The following CNTN3 variants were observed in gnomAD, a reference collection of about 807,000 sequenced individuals.
CNTN3 encodes contactin-3.
Under a neutral mutation model 119.1 loss-of-function variants are expected in CNTN3, and 60 were observed. That is an observed-to-expected ratio of 0.50 (90% CI 0.41 to 0.62). The LOEUF (loss-of-function observed/expected upper bound fraction) is 0.62. CNTN3 is among the 20% of genes least tolerant of loss of function. CNTN3 has a pLI of 0.00. For synonymous variants in CNTN3, 450 were observed against 438.7 expected, an observed-to-expected ratio of 1.03 and a Z score of -0.32; for missense variants, 1,101 against 1,242.4, an observed-to-expected ratio of 0.89 and a Z score of 1.71.
Position 74,560,934 on chromosome 3 carries a change from C to A in CNTN3, c.-80-39742G>T, listed in dbSNP as rs191577588. On this transcript the variant is annotated intron_variant, in intron 1 of 22. Transcript: ENST00000263665. ...CAAACTATCGCAAGGACAAAAAAAA[C>A]CAAACACTGCACGTTCTCACTCATA... Among the ~76,000 whole-genome samples, 130 of 147,900 alleles carry A rather than the reference C, an allele frequency of 8.8e-4. 1 individual carries two copies. The highest frequency in any genetic ancestry group is 7.3e-3 in the Middle Eastern group (2 of 274).
intron 13 of CNTN3, among the ~76,000 whole-genome samples, chr3:74,326,106 C>T (rs73109143): frequency 1.8e-3 from 269 of 152,166 alleles, no homozygotes; most frequent in Middle Eastern, 6.8e-3. Flanking sequence ...GAAATATTGA[C>T]TATTTCATGT....
intron 11 of CNTN3, among the ~76,000 whole-genome samples, chr3:74,338,339 G>A (rs1267270032): frequency 6.7e-6 from 1 of 150,352 alleles, no homozygotes; most frequent in Non-Finnish European, 1.5e-5. Flanking sequence ...AAGGGTTTCT[G>A]TATAAAAATG....
chr3:74,485,113 A>G (rs969005170), intron 4 of CNTN3, among the ~76,000 whole-genome samples: 12 of 151,960 alleles, frequency 7.9e-5, no homozygotes, highest in African/African-American at 2.7e-4. Flanking sequence ...AGACTATTAC[A>G]TATATATTTA....
intron 4 of CNTN3, among the ~76,000 whole-genome samples, chr3:74,439,520 T>C (rs1701926386): frequency 6.6e-6 from 1 of 152,116 alleles, no homozygotes; most frequent in Non-Finnish European, 1.5e-5. Context: ...ATATATTTCA[T>C]CTTATATGAT....
chr3:74,327,105 CCTTTTTTTTTTTTTTTT>C (rs1703152490), intron 13 of CNTN3, among the ~76,000 whole-genome samples: 1 of 90,700 alleles, frequency 1.1e-5, no homozygotes, highest in South Asian at 4.9e-4. Context: ...AAGGGTTAAT[CCTTTTTTTTTTTTTTTT>C]TTTTTTTTTG....
chr3:74,319,916 A>C (rs1270621235), intron 13 of CNTN3, among the ~76,000 whole-genome samples: 1 of 152,206 alleles, frequency 6.6e-6, no homozygotes, highest in Non-Finnish European at 1.5e-5. Flanking sequence ...CACATGAAAA[A>C]ATGCTCACCA....
intron 4 of CNTN3, among the ~76,000 whole-genome samples, chr3:74,462,182 A>C (rs1702382751): frequency 6.6e-6 from 1 of 152,008 alleles, no homozygotes; most frequent in Non-Finnish European, 1.5e-5. Context: ...TTCCGCCATG[A>C]TTGTAAGTTT....
chr3:74,355,603 T>G (rs933718361), intron 11 of CNTN3, among the ~76,000 whole-genome samples: 1 of 151,908 alleles, frequency 6.6e-6, no homozygotes, highest in East Asian at 1.9e-4. Flanking sequence ...TACAGAAGTG[T>G]GCCACCATGC....
intron 13 of CNTN3, among the ~76,000 whole-genome samples, chr3:74,319,240 G>A (rs975278413): frequency 7.9e-5 from 12 of 152,140 alleles, no homozygotes; most frequent in Admixed American, 1.3e-4. Context: ...AAAGCCAGAG[G>A]CATCACGCTA....
intron 13 of CNTN3, among the ~76,000 whole-genome samples, chr3:74,333,570 TAAG>T (rs1240748237): frequency 6.6e-6 from 1 of 152,174 alleles, no homozygotes; most frequent in African/African-American, 2.4e-5. Context: ...CTTCTTTTTA[TAAG>T]GACAACAGTT....
intron 11 of CNTN3, 138 bp from the exon 12 acceptor site, chr3:74,336,796 AT>A: frequency 3.5e-6 from 2 of 578,790 alleles, no homozygotes. Context: ...CTTTTTGGGA[AT>A]ACAAAAAAAA....
At chr3:74,392,644 A>G (rs1704943051) in intron 5 of CNTN3, among the ~76,000 whole-genome samples, 1 of 152,186 alleles carries the variant, frequency 6.6e-6, no homozygotes, top group Non-Finnish European at 1.5e-5. Flanking sequence ...GGGAGCTTAC[A>G]TTCTAGTAGT....
intron 3 of CNTN3, among the ~76,000 whole-genome samples, chr3:74,490,383 C>G (rs994420265): frequency 6.6e-6 from 1 of 152,130 alleles, no homozygotes; most frequent in Non-Finnish European, 1.5e-5. Flanking sequence ...GGAAAAAACA[C>G]TTTTTAGCTC....
At chr3:74,306,523 A>G (rs1283130040) in intron 13 of CNTN3, among the ~76,000 whole-genome samples, 1 of 152,146 alleles carries the variant, frequency 6.6e-6, no homozygotes, top group Non-Finnish European at 1.5e-5. Flanking sequence ...AAGGGACCAG[A>G]ATTGAGAAGG....
chr3:74,267,852 G>A (rs887517445), intron 20 of CNTN3, among the ~76,000 whole-genome samples: 2 of 152,058 alleles, frequency 1.3e-5, no homozygotes, highest in African/African-American at 4.8e-5. Context: ...CGCATACAGA[G>A]GCTGGAAGAA....
rs565059535 is a variant in CNTN3 at position 74,574,205 on chromosome 3, T to C, written c.-81+40186A>G. 2.0e-5 allele frequency among the ~76,000 whole-genome samples: 3 copies of C among 152,282 alleles called. No homozygotes were observed. In the East Asian group the frequency reaches 5.8e-4, roughly 29 times the overall value. On this transcript the variant is annotated intron_variant, in intron 1 of 22. Transcript: ENST00000263665. Reference sequence around the variant, plus strand: ...GAGGAACCACAAAAGGCCACGTATTTTATGATTCTATTTTTATGAAACTTC... The same window carrying C: ...GAGGAACCACAAAAGGCCACGTATTCTATGATTCTATTTTTATGAAACTTC...
chr3:74,582,635 T>A (rs563975113), intron 1 of CNTN3, among the ~76,000 whole-genome samples: 1 of 152,310 alleles, frequency 6.6e-6, no homozygotes, highest in South Asian at 2.1e-4. Flanking sequence ...CACAGTAGGA[T>A]ATACTTTCTT....
rs17012425 is a variant in CNTN3 at position 74,356,683 on chromosome 3, A to G, written c.1364+5207T>C. On this transcript the variant is annotated intron_variant, in intron 11 of 22. Transcript: ENST00000263665. ...GAGCCCAGGAATCACTTTTTGCAGG[A>G]TAAGCCTTTGTTATCTACTCATAGC... Among the ~76,000 whole-genome samples the G allele has an allele frequency of 4.5e-4, 68 of 152,198 alleles. 1 individual carries two copies. In the East Asian group the frequency reaches 0.013, roughly 29 times the overall value.
intron 19 of CNTN3, among the ~76,000 whole-genome samples, chr3:74,285,782 G>A (rs1702098531): frequency 8.9e-6 from 1 of 111,820 alleles, no homozygotes; most frequent in African/African-American, 3.1e-5. Flanking sequence ...GTGGGAGAAT[G>A]AAGGGGAGAT....
Sources: gnomAD v4.1 joint callset for allele counts (sites outside exome capture counted in the v4.1 genomes callset) on GRCh38, gnomAD v4.1.1 for gene constraint, MANE v1.5 for transcripts, NCBI Gene and HGNC (gene_info 2026-07-23, HGNC 2026-07-21) for gene names.